Variants in FARSB observed in about 807,000 individuals in gnomAD.
FARSB encodes phenylalanine--tRNA ligase beta subunit.
Under a neutral mutation model 69.6 loss-of-function variants are expected in FARSB, and 40 were observed. That is an observed-to-expected ratio of 0.57 (90% CI 0.45 to 0.75). The LOEUF is 0.75. Among genes scored for constraint, FARSB ranks in the 30% least tolerant of loss-of-function variants. FARSB has a pLI of 0.00. For missense variants in FARSB, 632 were observed against 722.9 expected, an observed-to-expected ratio of 0.87 and a Z score of 1.44; for synonymous variants, 235 against 247.2, an observed-to-expected ratio of 0.95 and a Z score of 0.46.
Position 222,634,383 on chromosome 2 carries a change from A to G in FARSB, c.606+8T>C. The G allele has an allele frequency of 6.5e-7, 1 of 1,541,876 alleles. No homozygotes were observed. Among genetic ancestry groups the G allele is most frequent in the Non-Finnish European group, 8.7e-7 (1 of 1,143,948 alleles). On this transcript the variant is annotated splice_region_variant and intron_variant, in intron 6 of 16. Transcript: ENST00000281828. ...CAAAGCTGCTGCATAATCAAAAAGA[A>G]TATTTACCTTGTATATGTTCATCAG...
chr2:222,576,938 C>T (rs762988393), intron 16 of FARSB, among the ~76,000 whole-genome samples: 2 of 152,176 alleles, frequency 1.3e-5, no homozygotes, highest in African/African-American at 2.4e-5. Context: ...ACTTATCCCA[C>T]GTGAGCATGG....
At chr2:222,596,324 G>A (rs903508684) in intron 16 of FARSB, among the ~76,000 whole-genome samples, 18 of 152,142 alleles carry the variant, frequency 1.2e-4, no homozygotes, top group Admixed American at 9.2e-4. Flanking sequence ...TATAACGCAC[G>A]GAGCCAGGTT....
At position 222,571,877 on chromosome 2, in the gene FARSB, A is replaced by C; in HGVS notation, c.1764T>G (p.Phe588Leu). The change falls in exon 17 of 17, where the codon TTT becomes TTG. Residue 588 changes from phenylalanine (F) to leucine (L), a missense_variant. Phe to Leu is a conservative substitution (Grantham distance 22). Coordinates refer to ENST00000281828, the MANE Select transcript of FARSB (RefSeq NM_005687.5). ...CSSLEINVGP[F>L]L ...ACACCACAGAGACCAATCTTCACAA[A>C]AAGGGTCCAACATTGATTTCTAGGG... 2 of 1,612,500 alleles carry C rather than the reference A, an allele frequency of 1.2e-6. No individual in the cohort carries two copies. The highest frequency in any genetic ancestry group is 1.7e-6 in the Non-Finnish European group (2 of 1,179,316).
chr2:222,579,138 T>G (rs923187543), intron 16 of FARSB, among the ~76,000 whole-genome samples: 1 of 152,188 alleles, frequency 6.6e-6, no homozygotes, highest in Non-Finnish European at 1.5e-5. Flanking sequence ...ATTAGGAGGC[T>G]TGCCCTAGGC....
At chr2:222,646,281 T>G (rs542659098) in intron 2 of FARSB, among the ~76,000 whole-genome samples, 1 of 152,344 alleles carries the variant, frequency 6.6e-6, no homozygotes, top group South Asian at 2.1e-4. Flanking sequence ...CGGTACTGCC[T>G]GCCACAATTT....
At position 222,642,247 on chromosome 2, in the gene FARSB, A is replaced by C. The variant is rs1574951599; in HGVS notation, c.269+604T>G. Reference sequence around the variant, plus strand: ...AACTCCTGACCTCAAGTGATCCACCAGCCTCGGCCTCCCGAAGTGCTGGGA... The same window carrying C: ...AACTCCTGACCTCAAGTGATCCACCCGCCTCGGCCTCCCGAAGTGCTGGGA... On this transcript the variant is annotated intron_variant, in intron 3 of 16. Transcript: ENST00000281828. 2.0e-5 allele frequency among the ~76,000 whole-genome samples: 3 copies of C among 152,326 alleles called. No individual in the cohort carries two copies. The South Asian group carries it at 6.2e-4, about 32-fold the overall frequency.
chr2:222,630,798 C>T (rs969709948), intron 8 of FARSB, among the ~76,000 whole-genome samples: 6 of 151,934 alleles, frequency 3.9e-5, no homozygotes, highest in Admixed American at 6.6e-5. Context: ...TGTAAATGCA[C>T]GAATTAAATT....
intron 1 of FARSB, among the ~76,000 whole-genome samples, chr2:222,649,915 A>G (rs1042625683): frequency 2.0e-4 from 31 of 152,204 alleles, no homozygotes; most frequent in African/African-American, 7.5e-4. Flanking sequence ...TCAATTTAAC[A>G]TCTATGTACT....
chr2:222,651,752 G>A (rs1692043596), intron 1 of FARSB, among the ~76,000 whole-genome samples: 1 of 152,196 alleles, frequency 6.6e-6, no homozygotes, highest in Admixed American at 6.5e-5. Context: ...ATATGCAGAA[G>A]CATTGCCAGC....
At chr2:222,596,349 C>A (rs996887235) in intron 16 of FARSB, among the ~76,000 whole-genome samples, 3 of 152,122 alleles carry the variant, frequency 2.0e-5, no homozygotes. Flanking sequence ...AAAGGTGAAT[C>A]GAGTTCTGTT....
intron 10 of FARSB, 141 bp downstream of exon 10, chr2:222,628,696 A>G: frequency 1.8e-6 from 1 of 561,028 alleles, no homozygotes. Context: ...TGAAGACTAA[A>G]TCCATGTAAT....
intron 10 of FARSB, among the ~76,000 whole-genome samples, chr2:222,625,188 A>G (rs939361080): frequency 6.6e-6 from 1 of 152,212 alleles, no homozygotes. Context: ...AGTGTCCATC[A>G]TACTAAGTCT....
In FARSB at chr2:222,605,161, T is replaced by TTCTCTCTCTCTCTCTCTCTCTCTCTC. The variant is rs71053093; in HGVS notation, c.1463-5104_1463-5079dup. Among the ~76,000 whole-genome samples the TTCTCTCTCTCTCTCTCTCTCTCTCTC allele has an allele frequency of 1.4e-3, 181 of 132,726 alleles. 6 individuals are homozygous for TTCTCTCTCTCTCTCTCTCTCTCTCTC. Among genetic ancestry groups the TTCTCTCTCTCTCTCTCTCTCTCTCTC allele is most frequent in the African/African-American group, 4.0e-3 (135 of 33,524 alleles). 87.1% of individuals were successfully genotyped at this position (132,726 alleles called of 152,430 possible). ...TGATTCCACTGTAGGAATACAAACT[T>TTCTCTCTCTCTCTCTCTCTCTCTCTC]TCTCTCTCTCTCTCTCTCTCTCTCT... On this transcript the variant is annotated intron_variant, in intron 15 of 16. Transcript: ENST00000281828.
intron 10 of FARSB, among the ~76,000 whole-genome samples, chr2:222,625,914 T>C (rs1314649536): frequency 6.6e-6 from 1 of 151,900 alleles, no homozygotes; most frequent in Non-Finnish European, 1.5e-5. Flanking sequence ...ATAATAAGCG[T>C]TTGGTATATG....
At chr2:222,606,192 C>T (rs560510721) in intron 15 of FARSB, among the ~76,000 whole-genome samples, 82 of 152,210 alleles carry the variant, frequency 5.4e-4, no homozygotes, top group African/African-American at 1.5e-3. Flanking sequence ...TTGCTCTCTC[C>T]GGACTTACTT....
rs765259520 is a variant in FARSB at position 222,635,519 on chromosome 2, A to T, written c.456-978T>A. ...TATGCTTACAGAAGATAATAAACCC[A>T]GAACTATCATAGGATAAAATATGCA... On this transcript the variant is annotated intron_variant, in intron 5 of 16. Coordinates refer to ENST00000281828, the MANE Select transcript of FARSB (RefSeq NM_005687.5). Among the ~76,000 whole-genome samples, 103 of 152,236 alleles carry T rather than the reference A, an allele frequency of 6.8e-4. 3 individuals are homozygous for T. The highest frequency in any genetic ancestry group is 1.5e-4 in the Non-Finnish European group (10 of 68,030).
intron 10 of FARSB, among the ~76,000 whole-genome samples, chr2:222,627,765 C>T (rs768060177): frequency 3.3e-5 from 5 of 152,028 alleles, no homozygotes; most frequent in East Asian, 1.9e-4. Flanking sequence ...TAATGTCTTC[C>T]GGAATGGGGA....
At chr2:222,584,526 C>A (rs11678952) in intron 16 of FARSB, among the ~76,000 whole-genome samples, 45,511 of 152,070 alleles carry the variant, frequency 0.3, 7,559 homozygotes, top group Non-Finnish European at 0.38. Context: ...GGAGTGTGAG[C>A]CAAAGCAGGG....
At chr2:222,585,856 G>T (rs1418668897) in intron 16 of FARSB, among the ~76,000 whole-genome samples, 1 of 152,114 alleles carries the variant, frequency 6.6e-6, no homozygotes, top group Non-Finnish European at 1.5e-5. Flanking sequence ...AAGAAATATG[G>T]GACTATGTGA....
Sources: gnomAD v4.1 joint callset for allele counts (sites outside exome capture counted in the v4.1 genomes callset) on GRCh38, gnomAD v4.1.1 for gene constraint, MANE v1.5 for transcripts, NCBI Gene and HGNC (gene_info 2026-07-23, HGNC 2026-07-21) for gene names.